KCNAB1: variants seen among roughly 807,000 people sequenced by gnomAD.
KCNAB1 encodes the protein voltage-gated potassium channel subunit beta-1.
In KCNAB1, 35 loss-of-function variants were observed where a neutral mutation model predicts 64.6. That is an observed-to-expected ratio of 0.54 (90% CI 0.41 to 0.72). The LOEUF (loss-of-function observed/expected upper bound fraction) is 0.72, where lower values mean the gene tolerates loss of function less well. KCNAB1 is among the 30% of genes least tolerant of loss of function. The probability of loss-of-function intolerance (pLI) is 0.00; values close to 1 mark genes in which losing one functional copy is unlikely to be tolerated. For missense variants in KCNAB1, 401 were observed against 512.9 expected (o/e 0.78, Z 2.11); for synonymous variants, 177 against 183.8 (o/e 0.96, Z 0.30).
chr3:156,477,872 A>G (rs1460953283), intron 8 of KCNAB1, among the ~76,000 whole-genome samples: 3 of 152,158 alleles, frequency 2.0e-5, no homozygotes, highest in South Asian at 2.1e-4. Flanking sequence ...TGCCTGTGTT[A>G]GTTCTGGATT....
At chr3:156,226,815 C>A (rs1716210435) in intron 1 of KCNAB1, among the ~76,000 whole-genome samples, 1 of 152,206 alleles carries the variant, frequency 6.6e-6, no homozygotes, top group Non-Finnish European at 1.5e-5. Context: ...GCCCAGCACT[C>A]CTCCTCTCTC....
In KCNAB1 at chr3:156,188,199, A is replaced by G. The variant is rs748158965; in HGVS notation, c.275+67313A>G. On this transcript the variant is annotated intron_variant, in intron 1 of 13. Transcript: ENST00000490337. Reference sequence around the variant, plus strand: ...TTGGTAAGTTTATATTTTATGGCTTATCTCCCTGTGGGGTTTTTTTTTTTC... The same window carrying G: ...TTGGTAAGTTTATATTTTATGGCTTGTCTCCCTGTGGGGTTTTTTTTTTTC... Among the ~76,000 whole-genome samples, 4 of 150,256 alleles carry G rather than the reference A, an allele frequency of 2.7e-5. No homozygotes were observed. The South Asian group carries it at 6.3e-4, about 24-fold the overall frequency.
intron 8 of KCNAB1, among the ~76,000 whole-genome samples, chr3:156,494,307 C>T (rs548711631): frequency 6.6e-6 from 1 of 152,000 alleles, no homozygotes; most frequent in African/African-American, 2.4e-5. Context: ...TATTTATGTC[C>T]TTTTGTTTGA....
At chr3:156,254,365 TC>T (rs1717983789) in intron 1 of KCNAB1, among the ~76,000 whole-genome samples, 1 of 152,152 alleles carries the variant, frequency 6.6e-6, no homozygotes, top group Non-Finnish European at 1.5e-5. Flanking sequence ...TCTGTGCAGA[TC>T]CCTTGCCAAA....
At chr3:156,224,946 A>G (rs535363798) in intron 1 of KCNAB1, among the ~76,000 whole-genome samples, 159 of 152,322 alleles carry the variant, frequency 1.0e-3, no homozygotes, top group African/African-American at 3.8e-3. Flanking sequence ...TCAACAAAAA[A>G]AAGTTCAGGA....
intron 8 of KCNAB1, among the ~76,000 whole-genome samples, chr3:156,502,406 T>G (rs1245835855): frequency 6.6e-6 from 1 of 151,958 alleles, no homozygotes; most frequent in Non-Finnish European, 1.5e-5. Flanking sequence ...AACATTGATA[T>G]TTGACAAAAG....
chr3:156,453,056 T>G (rs957240812), intron 3 of KCNAB1, 120 bp downstream of exon 3: 39 of 588,666 alleles, frequency 6.6e-5, no homozygotes, highest in Non-Finnish European at 1.1e-4. Flanking sequence ...TCACAGGAAA[T>G]GGTAAAATTG....
chr3:156,467,453 C>G (rs916008953), intron 7 of KCNAB1, among the ~76,000 whole-genome samples: 1 of 152,072 alleles, frequency 6.6e-6, no homozygotes, highest in African/African-American at 2.4e-5. Flanking sequence ...AAAATGTGCT[C>G]TAATCTCACC....
chr3:156,234,384 C>T (rs947194148), intron 1 of KCNAB1, among the ~76,000 whole-genome samples: 2 of 151,946 alleles, frequency 1.3e-5, no homozygotes, highest in Admixed American at 6.6e-5. Context: ...CCACAAGTAC[C>T]CCAGAGACTT....
intron 2 of KCNAB1, among the ~76,000 whole-genome samples, chr3:156,449,038 G>A (rs1711798077): frequency 6.6e-6 from 1 of 152,088 alleles, no homozygotes; most frequent in Non-Finnish European, 1.5e-5. Flanking sequence ...GAAGGGCCAG[G>A]GAGGTAGTCA....
intron 1 of KCNAB1, among the ~76,000 whole-genome samples, chr3:156,324,697 C>A (rs1468643893): frequency 6.6e-6 from 1 of 152,086 alleles, no homozygotes; most frequent in Non-Finnish European, 1.5e-5. Flanking sequence ...CCCTCACAGT[C>A]ATATTCATTT....
chr3:156,440,947 T>C (rs908497893), intron 2 of KCNAB1, among the ~76,000 whole-genome samples: 2 of 152,198 alleles, frequency 1.3e-5, no homozygotes, highest in African/African-American at 2.4e-5. Context: ...TCAGTTTTAA[T>C]TTTTCTGTAT....
At chr3:156,328,288 C>T (rs532573913) in intron 1 of KCNAB1, among the ~76,000 whole-genome samples, 4 of 152,124 alleles carry the variant, frequency 2.6e-5, no homozygotes, top group Non-Finnish European at 4.4e-5. Context: ...TTCTACAGGC[C>T]GTGATGAGCT....
Position 156,249,260 on chromosome 3 carries a change from G to A in KCNAB1, c.275+128374G>A, listed in dbSNP as rs1242754469. 3.9e-5 allele frequency among the ~76,000 whole-genome samples: 6 copies of A among 152,088 alleles called. No individual in the cohort carries two copies. In the East Asian group the frequency reaches 5.8e-4, roughly 15 times the overall value. ...CTGACCATGAAAATATCTATGGGAA[G>A]GGGGAACAAGAGTAAACACAGGCTG... is the stretch of plus-strand genomic sequence containing the variant. On this transcript the variant is annotated intron_variant, in intron 1 of 13. Transcript: ENST00000490337.
At chr3:156,423,052 C>G (rs1715571220) in intron 2 of KCNAB1, among the ~76,000 whole-genome samples, 1 of 152,106 alleles carries the variant, frequency 6.6e-6, no homozygotes, top group Non-Finnish European at 1.5e-5. Flanking sequence ...TTTACAAGGT[C>G]TGTTTGGGTG....
chr3:156,504,755 T>TG (rs1415335143), intron 8 of KCNAB1, among the ~76,000 whole-genome samples: 5 of 151,004 alleles, frequency 3.3e-5, no homozygotes, highest in African/African-American at 7.3e-5. Context: ...TTTTTTGTTT[T>TG]TTTTTTTTTG....
chr3:156,404,724 AG>A (rs1714135625), intron 1 of KCNAB1, among the ~76,000 whole-genome samples: 2 of 152,256 alleles, frequency 1.3e-5, no homozygotes, highest in South Asian at 4.1e-4. Context: ...GGTGAAGTCC[AG>A]CCCTAAAGTC....
At chr3:156,270,564 A>T (rs981005878) in intron 1 of KCNAB1, among the ~76,000 whole-genome samples, 4 of 152,236 alleles carry the variant, frequency 2.6e-5, no homozygotes, top group Admixed American at 2.6e-4. Flanking sequence ...ACTAAAAAAC[A>T]AGCAAAAAGA....
At chr3:156,228,400 C>G (rs74839202) in intron 1 of KCNAB1, among the ~76,000 whole-genome samples, 1 of 152,196 alleles carries the variant, frequency 6.6e-6, no homozygotes, top group Admixed American at 6.5e-5. Context: ...TTGACTGTTA[C>G]AGATCCCAGC....
Sources: gnomAD v4.1 joint callset for allele counts (sites outside exome capture counted in the v4.1 genomes callset) on GRCh38, gnomAD v4.1.1 for gene constraint, MANE v1.5 for transcripts, NCBI Gene and HGNC (gene_info 2026-07-23, HGNC 2026-07-21) for gene names.